Variants in SAMD5 observed in about 807,000 individuals in gnomAD.
SAMD5 encodes the protein sterile alpha motif domain containing 5.
SAMD5 carries 13 observed loss-of-function variants against 11.3 expected under a neutral mutation model. The ratio of observed to expected loss-of-function variants is 1.15; its 90% CI spans 0.75 to 1.83. SAMD5 has a LOEUF of 1.83. Among genes scored for constraint, SAMD5 ranks in the 40% most tolerant of loss-of-function variants. SAMD5 has a pLI of 0.00. For missense variants in SAMD5, 255 were observed against 239.1 expected (o/e 1.07, Z -0.44); for synonymous variants, 129 against 111.3 (o/e 1.16, Z -1.00).
the SAMD5 span, among the ~76,000 whole-genome samples, chr6:147,896,719 A>G: frequency 8.3e-5 from 12 of 144,444 alleles, no homozygotes; most frequent in African/African-American, 3.0e-4. Flanking sequence ...TTCACTGAAT[A>G]TTAGAAAAGA....
chr6:147,766,683 G>A, the SAMD5 span, among the ~76,000 whole-genome samples: 1 of 151,992 alleles, frequency 6.6e-6, no homozygotes, highest in East Asian at 1.9e-4. Context: ...CAAAACAAAG[G>A]AATAAACCAA....
the SAMD5 span, among the ~76,000 whole-genome samples, chr6:147,865,877 T>C: frequency 1.3e-5 from 2 of 152,190 alleles, no homozygotes; most frequent in Non-Finnish European, 2.9e-5. Context: ...TTTATGCCAA[T>C]TAATAACCTA....
intron 1 of SAMD5, among the ~76,000 whole-genome samples, chr6:147,589,969 A>AT (rs1176762292): frequency 1.3e-4 from 20 of 152,180 alleles, no homozygotes; most frequent in African/African-American, 4.6e-4. Flanking sequence ...TAGGCCCGGA[A>AT]TTAGAAACTC....
the SAMD5 span, among the ~76,000 whole-genome samples, chr6:147,885,527 A>G: frequency 6.6e-6 from 1 of 152,196 alleles, no homozygotes; most frequent in Admixed American, 6.5e-5. Flanking sequence ...AAAATTTTTG[A>G]TAATTAATAC....
chr6:147,555,548 G>C (rs994026829), intron 1 of SAMD5, among the ~76,000 whole-genome samples: 5 of 152,078 alleles, frequency 3.3e-5, no homozygotes, highest in African/African-American at 1.2e-4. Flanking sequence ...AGGCTACCTT[G>C]GGTGGTGATA....
chr6:147,671,421 A>G (rs965977439), intron 1 of SAMD5, among the ~76,000 whole-genome samples: 1 of 152,220 alleles, frequency 6.6e-6, no homozygotes, highest in African/African-American at 2.4e-5. Context: ...GCAAAGCACA[A>G]TAAAATGAAG....
chr6:147,898,203 C>T, the SAMD5 span, among the ~76,000 whole-genome samples: 1 of 152,046 alleles, frequency 6.6e-6, no homozygotes. Context: ...TATAAATTTA[C>T]AGCGTGATAT....
At chr6:147,510,109 A>G (rs1476314060) in intron 1 of SAMD5, among the ~76,000 whole-genome samples, 1 of 152,172 alleles carries the variant, frequency 6.6e-6, no homozygotes, top group Non-Finnish European at 1.5e-5. Flanking sequence ...GCCAGATAAG[A>G]TGAAGTAGGT....
At chr6:147,571,456 A>G (rs1000614727), downstream of SAMD5, among the ~76,000 whole-genome samples, 1 of 152,170 alleles carries the variant, frequency 6.6e-6, no homozygotes, top group African/African-American at 2.4e-5. Context: ...GAATAATTTT[A>G]AATGAAAAAC....
chr6:147,647,190 T>C (rs1056809564), intron 1 of SAMD5, among the ~76,000 whole-genome samples: 2 of 151,860 alleles, frequency 1.3e-5, no homozygotes, highest in African/African-American at 4.8e-5. Flanking sequence ...TCATAAAGAA[T>C]AGAAAATACA....
intron 1 of SAMD5, among the ~76,000 whole-genome samples, chr6:147,656,819 G>A (rs1790574959): frequency 6.6e-6 from 1 of 151,880 alleles, no homozygotes; most frequent in East Asian, 1.9e-4. Context: ...TAACAAAATT[G>A]TATATGCATT....
At chr6:147,748,288 G>A in the SAMD5 span, among the ~76,000 whole-genome samples, 43 of 152,280 alleles carry the variant, frequency 2.8e-4, no homozygotes, top group African/African-American at 8.9e-4. Context: ...CACATTCATC[G>A]TTCAGGAGCA....
At position 147,566,655 on chromosome 6, in the gene SAMD5, G is replaced by A. The variant is rs1310738287; in HGVS notation, c.*2199G>A. 3.1e-6 allele frequency: 3 copies of A among 982,096 alleles called. No homozygotes were observed. Among genetic ancestry groups the A allele is most frequent in the Admixed American group, 6.2e-5 (1 of 16,252 alleles). The allele number at this position is 982,096 out of a possible 1,614,324, so 60.8% of individuals were successfully genotyped here. A position where few individuals can be genotyped will look rare whatever the true frequency, so the allele number is the denominator to read the frequency against. On this transcript the variant is annotated 3_prime_UTR_variant, in exon 2 of 2. Coordinates refer to ENST00000367474, the MANE Select transcript of SAMD5 (RefSeq NM_001030060.3). ...TTTAAACCTTCTCTCTGTGTCTGTG[G>A]TTAGAATTTGAAAATAACAATGCTC...
At chr6:147,691,080 C>T (rs1481517443) in intron 1 of SAMD5, among the ~76,000 whole-genome samples, 1 of 151,968 alleles carries the variant, frequency 6.6e-6, no homozygotes, top group East Asian at 1.9e-4. Flanking sequence ...CTGCAACACC[C>T]CCCTCCCGAG....
At chr6:147,851,871 A>AT in the SAMD5 span, among the ~76,000 whole-genome samples, 2 of 152,152 alleles carry the variant, frequency 1.3e-5, no homozygotes, top group African/African-American at 4.8e-5. Context: ...GAATATCCAG[A>AT]TTTTTTTATC....
chr6:147,530,442 T>C (rs186574604), intron 1 of SAMD5, among the ~76,000 whole-genome samples: 140 of 152,340 alleles, frequency 9.2e-4, no homozygotes, highest in African/African-American at 3.1e-3. Context: ...GCATGTCAAT[T>C]CTCATTTCCT....
chr6:147,644,468 A>G lies in SAMD5; in HGVS notation c.163-92849A>G, dbSNP rs1334579224. On this transcript the variant is annotated intron_variant, in intron 1 of 1. Coordinates refer to the SAMD5 transcript ENST00000566741. ...TTGTGTTAGTAATGTTTCTCTATATATTGATCTAATGTGCTTTTTAATTTG... is the reference window on the plus strand; with the variant it reads ...TTGTGTTAGTAATGTTTCTCTATATGTTGATCTAATGTGCTTTTTAATTTG... Among the ~76,000 whole-genome samples, 7 of 152,334 alleles carry G rather than the reference A, an allele frequency of 4.6e-5. No homozygotes were observed. In the East Asian group the frequency reaches 1.3e-3, roughly 29 times the overall value.
At chr6:147,513,621 C>T (rs181961683) in intron 1 of SAMD5, among the ~76,000 whole-genome samples, 6 of 152,164 alleles carry the variant, frequency 3.9e-5, no homozygotes, top group African/African-American at 1.2e-4. Context: ...ATTTCAGAGG[C>T]GGCCAGAGGA....
chr6:147,927,740 C>T, the SAMD5 span, among the ~76,000 whole-genome samples: 20,382 of 152,106 alleles, frequency 0.13, 1,643 homozygotes, highest in African/African-American at 0.22. Flanking sequence ...CCTGGTCTTG[C>T]GCCAGTTTGC....
Sources: gnomAD v4.1 joint callset for allele counts (sites outside exome capture counted in the v4.1 genomes callset) on GRCh38, gnomAD v4.1.1 for gene constraint, MANE v1.5 for transcripts, NCBI Gene and HGNC (gene_info 2026-07-23, HGNC 2026-07-21) for gene names.